Variants in FHIT observed in about 807,000 individuals in gnomAD.
The protein encoded by FHIT is fragile histidine triad diadenosine triphosphatase.
In FHIT, 19 loss-of-function variants were observed where a neutral mutation model predicts 17.9. The observed-to-expected ratio is 1.06, with a 90% CI of 0.74 to 1.56. The LOEUF (loss-of-function observed/expected upper bound fraction) is 1.56. Ranked by LOEUF, FHIT falls within the 40% of genes most tolerant of loss-of-function variation. The probability of loss-of-function intolerance (pLI) is 0.00; values close to 1 mark genes in which losing one functional copy is unlikely to be tolerated. For missense variants in FHIT, 248 were observed against 189.2 expected, an observed-to-expected ratio of 1.31 and a Z score of -1.82; for synonymous variants, 81 against 69.7, an observed-to-expected ratio of 1.16 and a Z score of -0.81.
At chr3:59,856,289 T>G (rs1420951062) in intron 8 of FHIT, among the ~76,000 whole-genome samples, 1 of 152,200 alleles carries the variant, frequency 6.6e-6, no homozygotes, top group Non-Finnish European at 1.5e-5. Context: ...TATAGCCCTA[T>G]GGCTATTAAA....
chr3:59,862,263 G>T (rs1702439580), intron 8 of FHIT, among the ~76,000 whole-genome samples: 2 of 152,158 alleles, frequency 1.3e-5, no homozygotes, highest in African/African-American at 4.8e-5. Flanking sequence ...CAGGGGAGCT[G>T]CCCTTTATAA....
At chr3:61,211,333 C>T (rs1235906680) in intron 1 of FHIT, among the ~76,000 whole-genome samples, 4 of 152,264 alleles carry the variant, frequency 2.6e-5, no homozygotes, top group South Asian at 2.1e-4. Context: ...GCTTAAGAAA[C>T]GGCGCACCAG....
chr3:59,765,809 T>C (rs984701653), intron 8 of FHIT, among the ~76,000 whole-genome samples: 1 of 152,136 alleles, frequency 6.6e-6, no homozygotes, highest in Non-Finnish European at 1.5e-5. Context: ...TTAAAATAGA[T>C]AGAATCTAGT....
intron 3 of FHIT, among the ~76,000 whole-genome samples, chr3:61,001,829 A>G (rs886725771): frequency 3.3e-5 from 5 of 152,210 alleles, no homozygotes; most frequent in Admixed American, 6.5e-5. Flanking sequence ...TAACTGGTCA[A>G]TCTAAATAAG....
chr3:60,820,916 T>A (rs1371474515), intron 4 of FHIT, among the ~76,000 whole-genome samples: 1 of 152,116 alleles, frequency 6.6e-6, no homozygotes, highest in African/African-American at 2.4e-5. Context: ...CACAGTCCCC[T>A]GACGACATGC....
intron 8 of FHIT, among the ~76,000 whole-genome samples, chr3:59,912,199 G>A (rs752446665): frequency 2.0e-5 from 3 of 152,118 alleles, no homozygotes; most frequent in Non-Finnish European, 4.4e-5. Context: ...CCACATTTGA[G>A]GTATCTCCAA....
At chr3:60,833,189 T>C (rs763339943) in intron 3 of FHIT, among the ~76,000 whole-genome samples, 3 of 152,148 alleles carry the variant, frequency 2.0e-5, no homozygotes, top group Non-Finnish European at 4.4e-5. Context: ...ATTTTCATCA[T>C]TATACCCATC....
intron 7 of FHIT, among the ~76,000 whole-genome samples, chr3:59,974,734 C>T (rs984179998): frequency 6.6e-6 from 1 of 152,064 alleles, no homozygotes; most frequent in South Asian, 2.1e-4. Flanking sequence ...ACACTATAAG[C>T]TGAAAGTGCC....
intron 1 of FHIT, among the ~76,000 whole-genome samples, chr3:61,232,253 G>C (rs1206454569): frequency 4.6e-5 from 7 of 152,116 alleles, no homozygotes; most frequent in Non-Finnish European, 8.8e-5. Context: ...CAGACACCAT[G>C]GTGTACACCT....
intron 2 of FHIT, among the ~76,000 whole-genome samples, chr3:61,164,081 C>A (rs750500775): frequency 3.3e-5 from 5 of 152,136 alleles, no homozygotes; most frequent in Non-Finnish European, 7.4e-5. Context: ...AAAGGAGAGA[C>A]TGCATTTTGA....
chr3:60,217,515 T>C (rs933502118), intron 5 of FHIT, among the ~76,000 whole-genome samples: 11 of 152,206 alleles, frequency 7.2e-5, no homozygotes, highest in African/African-American at 1.4e-4. Context: ...TGATATTTTA[T>C]TGAAGTGCAA....
At chr3:60,367,456 T>C (rs1315108947) in intron 5 of FHIT, among the ~76,000 whole-genome samples, 1 of 152,208 alleles carries the variant, frequency 6.6e-6, no homozygotes, top group Non-Finnish European at 1.5e-5. Context: ...TTTCTAAAGA[T>C]GTTGGAAAGT....
intron 5 of FHIT, among the ~76,000 whole-genome samples, chr3:60,365,036 G>GTATC (rs1190123964): frequency 6.8e-6 from 1 of 147,474 alleles, no homozygotes; most frequent in Non-Finnish European, 1.5e-5. Flanking sequence ...TTGTATGTAT[G>GTATC]TATCTATCTG....
At chr3:59,964,861 T>A (rs114966080) in intron 7 of FHIT, among the ~76,000 whole-genome samples, 120 of 152,300 alleles carry the variant, frequency 7.9e-4, no homozygotes, top group African/African-American at 2.7e-3. Flanking sequence ...ATGCCACCAA[T>A]GTGAATATCA....
At chr3:60,390,844 G>A (rs928192535) in intron 5 of FHIT, among the ~76,000 whole-genome samples, 1 of 152,076 alleles carries the variant, frequency 6.6e-6, no homozygotes, top group African/African-American at 2.4e-5. Context: ...TATTACAAGA[G>A]TGTCAGAAAG....
At chr3:60,608,639 A>G (rs1359778698) in intron 4 of FHIT, among the ~76,000 whole-genome samples, 1 of 152,180 alleles carries the variant, frequency 6.6e-6, no homozygotes, top group Non-Finnish European at 1.5e-5. Context: ...GCCCAATATC[A>G]TTACAACAAT....
At chr3:60,781,742 G>A (rs1239086612) in intron 4 of FHIT, among the ~76,000 whole-genome samples, 1 of 152,118 alleles carries the variant, frequency 6.6e-6, no homozygotes, top group African/African-American at 2.4e-5. Flanking sequence ...AAAATAACAA[G>A]AAGTACCACT....
intron 5 of FHIT, among the ~76,000 whole-genome samples, chr3:60,303,432 AAC>A (rs1340715598): frequency 6.6e-6 from 1 of 152,118 alleles, no homozygotes; most frequent in African/African-American, 2.4e-5. Context: ...GGAGGAGAGT[AAC>A]ACAGTCTATC....
chr3:60,350,839 G>T (rs1466438996), intron 5 of FHIT, among the ~76,000 whole-genome samples: 1 of 152,192 alleles, frequency 6.6e-6, no homozygotes, highest in Non-Finnish European at 1.5e-5. Flanking sequence ...GAAATGCAAA[G>T]ATGATAGAAT....
Sources: gnomAD v4.1 joint callset for allele counts (sites outside exome capture counted in the v4.1 genomes callset) on GRCh38, gnomAD v4.1.1 for gene constraint, MANE v1.5 for transcripts, NCBI Gene and HGNC (gene_info 2026-07-23, HGNC 2026-07-21) for gene names.